The following COL6A3 variants were observed in gnomAD, a reference collection of about 807,000 sequenced individuals.
The protein encoded by COL6A3 is collagen alpha-3(VI) chain.
Under a neutral mutation model 274.1 loss-of-function variants are expected in COL6A3, and 137 were observed. The ratio of observed to expected loss-of-function variants is 0.50; its 90% CI spans 0.44 to 0.58. The LOEUF (loss-of-function observed/expected upper bound fraction) is 0.58, where lower values mean the gene tolerates loss of function less well. Among genes scored for constraint, COL6A3 ranks in the 20% least tolerant of loss-of-function variants. The pLI is 0.00. For missense variants in COL6A3, 3,950 were observed against 4,124.9 expected (o/e 0.96, Z 1.16); for synonymous variants, 1,650 against 1,650.6 (o/e 1.00, Z 0.01).
rs111234422 is a variant in COL6A3 at position 237,334,786 on chromosome 2, G to A, written c.9069C>T (p.Thr3023=). ...GGGACTGATCATGGGCTGAGGTGAC[G>A]GTGAGGTCATAAAAATAAGGACCGG... ...EPPGPYFYDL[T]VTSAHDQSLV... is the part of the protein sequence containing the mutation. The change falls in exon 41 of 44, where the codon ACC becomes ACT. Residue 3023 remains threonine, a synonymous_variant. Coordinates refer to ENST00000295550, the MANE Select transcript of COL6A3 (RefSeq NM_004369.4). 7.9e-4 allele frequency: 1,269 copies of A among 1,614,148 alleles called. 9 individuals carry two copies. The African/African-American group carries it at 0.013, about 16-fold the overall frequency.
At chr2:237,351,109 T>G in intron 27 of COL6A3, 21 bp downstream of exon 27, 1 of 1,613,692 alleles carries the variant, frequency 6.2e-7, no homozygotes, top group Middle Eastern at 1.7e-4. Flanking sequence ...TCAGGAAAGC[T>G]CTACCTTTCT....
At chr2:237,388,878 T>C (rs1326817026) in intron 3 of COL6A3, among the ~76,000 whole-genome samples, 3 of 152,230 alleles carry the variant, frequency 2.0e-5, no homozygotes, top group Admixed American at 6.5e-5. Context: ...TGATGTTTAG[T>C]TGCATAAAAC....
intron 1 of COL6A3, among the ~76,000 whole-genome samples, chr2:237,411,800 A>G (rs919237515): frequency 2.0e-5 from 3 of 152,194 alleles, no homozygotes; most frequent in Admixed American, 6.5e-5. Flanking sequence ...AGGTTTGGAC[A>G]TTTGCCACAT....
Position 237,374,953 on chromosome 2 carries a change from C to A in COL6A3, c.3138G>T (p.Leu1046=), listed in dbSNP as rs780402445. The change falls in exon 8 of 44, where the codon CTG becomes CTT. Residue 1046 remains leucine (L), a synonymous_variant. Coordinates refer to ENST00000295550, the MANE Select transcript of COL6A3 (RefSeq NM_004369.4). This position sits in a 1 kb window ranked among gnomAD's most constrained non-coding sequence, Gnocchi z 4.8. The stretch of plus-strand genomic sequence containing the variant: ...CCACTCTCTGGACAAACTCTTTCAA[C>A]AGAGGGAAGCCGCTCCTGACGCCCT... The part of the protein sequence containing the change: ...GSEGVRSGFP[L]LKEFVQRVVE... 1.2e-6 allele frequency: 2 copies of A among 1,613,940 alleles called. No homozygotes were observed. The highest frequency in any genetic ancestry group is 1.7e-6 in the Non-Finnish European group (2 of 1,180,014).
chr2:237,334,960 G>A, intron 40 of COL6A3, 71 bp from the exon 41 acceptor site: 4 of 1,571,246 alleles, frequency 2.5e-6, no homozygotes, highest in Non-Finnish European at 3.5e-6. Flanking sequence ...AGCGAGAGAG[G>A]AAATCTGAAA....
intron 1 of COL6A3, among the ~76,000 whole-genome samples, 183 bp from the exon 2 acceptor site, chr2:237,397,030 G>GATAGATAT (rs2078461497): frequency 6.6e-6 from 1 of 150,832 alleles, no homozygotes; most frequent in African/African-American, 2.4e-5. Flanking sequence ...TAGATAGATA[G>GATAGATAT]ATAGATAGAT....
At position 237,385,853 on chromosome 2, in the gene COL6A3, GTCTC is replaced by G. The variant is rs957771172; in HGVS notation, c.1312+1725_1312+1728del. Among the ~76,000 whole-genome samples, 3 of 152,206 alleles carry G rather than the reference GTCTC, an allele frequency of 2.0e-5. No homozygotes were observed. The East Asian group carries it at 5.8e-4, about 29-fold the overall frequency. ...TCAGAACATTATTTTCAAAATTCTA[GTCTC>G]TCTATTAGCTCATCTGGAGGATTTG... On this transcript the variant is annotated intron_variant, in intron 4 of 43. Transcript: ENST00000295550.
At chr2:237,378,550 G>A in intron 6 of COL6A3, 86 bp downstream of exon 6, 1 of 1,591,226 alleles carries the variant, frequency 6.3e-7, no homozygotes, top group Non-Finnish European at 8.6e-7. Context: ...ACAGTCCACA[G>A]TGCTCTTGAG....
At chr2:237,358,468 ACAAC>A in intron 21 of COL6A3, 49 bp downstream of exon 21, 1 of 1,453,870 alleles carries the variant, frequency 6.9e-7, no homozygotes, top group East Asian at 2.3e-5. Flanking sequence ...CCCTTTCCCA[ACAAC>A]CCTCTTCCCC....
In COL6A3 at chr2:237,379,084, A is replaced by G; in HGVS notation, c.2049T>C (p.Phe683=). The G allele has an allele frequency of 6.2e-7, 1 of 1,614,242 alleles. No individual in the cohort carries two copies. Among genetic ancestry groups the G allele is most frequent in the Non-Finnish European group, 8.5e-7 (1 of 1,180,030 alleles). ...AGAACTCCGTTACAGGAGTGTCACTAAATTGCACTAAACCAACACGAATAT... is the reference window on the plus strand; with the variant it reads ...AGAACTCCGTTACAGGAGTGTCACTGAATTGCACTAAACCAACACGAATAT... ...NDNIRVGLVQ[F]SDTPVTEFSL... The change falls in exon 6 of 44, where the codon TTT becomes TTC. Residue 683 remains phenylalanine, a synonymous_variant. Coordinates refer to ENST00000295550, the MANE Select transcript of COL6A3 (RefSeq NM_004369.4).
intron 32 of COL6A3, 25 bp downstream of exon 32, chr2:237,346,478 G>T: frequency 6.2e-7 from 1 of 1,611,364 alleles, no homozygotes; most frequent in Non-Finnish European, 8.5e-7. Context: ...CCAGGTGGCC[G>T]GGTCAGAACT....
At chr2:237,340,010 G>C (rs1312077892) in intron 38 of COL6A3, among the ~76,000 whole-genome samples, 1 of 152,196 alleles carries the variant, frequency 6.6e-6, no homozygotes, top group African/African-American at 2.4e-5. Context: ...AGACCCAGTG[G>C]TATCCAAGCA....
intron 2 of COL6A3, 142 bp from the exon 3 acceptor site, chr2:237,395,346 A>G (rs1371368238): frequency 1.1e-6 from 1 of 888,778 alleles, no homozygotes; most frequent in Admixed American, 2.4e-5. Context: ...AGGAAGGTAG[A>G]CTCACTTACC....
At chr2:237,355,074 C>G in intron 23 of COL6A3, 140 bp from the exon 24 acceptor site, 1 of 748,136 alleles carries the variant, frequency 1.3e-6, no homozygotes, top group East Asian at 2.7e-5. Flanking sequence ...GTGCCAAGAA[C>G]CAGAAACCAC....
Position 237,361,713 on chromosome 2 carries a change from C to T in COL6A3, c.6156+26G>A, listed in dbSNP as rs751209112. On this transcript the variant is annotated intron_variant, in intron 15 of 43. Coordinates refer to ENST00000295550, the MANE Select transcript of COL6A3 (RefSeq NM_004369.4). This position sits in a 1 kb window ranked among gnomAD's most constrained non-coding sequence, Gnocchi z 5.1. The stretch of plus-strand genomic sequence containing the variant: ...CGGGCTTCTGACACCTCATCTCAGG[C>T]GTGGGCAAGGGTAAAGCCACCGTAC... The T allele has an allele frequency of 1.0e-5, 16 of 1,601,704 alleles. No individual in the cohort carries two copies. Among genetic ancestry groups the T allele is most frequent in the South Asian group, 4.4e-5 (4 of 90,840 alleles).
chr2:237,339,025 G>T lies in COL6A3; in HGVS notation c.8557C>A (p.His2853Asn). 6.2e-7 allele frequency: 1 copy of T among 1,613,574 alleles called. No individual in the cohort carries two copies. The highest frequency in any genetic ancestry group is 1.1e-5 in the South Asian group (1 of 91,042). The change falls in exon 39 of 44, where the codon CAC becomes AAC. Residue 2853 changes from histidine (H) to asparagine (N), a missense_variant. His to Asn is a moderately conservative substitution (Grantham distance 68). Coordinates refer to ENST00000295550, the MANE Select transcript of COL6A3 (RefSeq NM_004369.4). ...QPTKNLVKFG[H>N]KQVNVPNNVT... ...ATTATAATCACTTACACTTGTTTGTGACCAAACTTCACAAGGTTCTTTGTG... is the reference window on the plus strand; with the variant it reads ...ATTATAATCACTTACACTTGTTTGTTACCAAACTTCACAAGGTTCTTTGTG...
rs778147812 is a variant in COL6A3 at position 237,394,709 on chromosome 2, T to C, written c.587A>G (p.His196Arg). ...KEIASEPLNM[H>R]MFNLENFTSL... ...GGTAAAATTCTCTAGGTTGAACATA[T>C]GCATATTGAGCGGTTCACTTGCTAT... The change falls in exon 3 of 44, where the codon CAT (histidine) becomes CGT (arginine). Residue 196 changes from histidine (H) to arginine (R), a missense_variant. His to Arg is a conservative substitution (Grantham distance 29, BLOSUM62 0). Coordinates refer to ENST00000295550, the MANE Select transcript of COL6A3 (RefSeq NM_004369.4). The C allele has an allele frequency of 6.2e-6, 10 of 1,614,124 alleles. No individual in the cohort carries two copies. Among genetic ancestry groups the C allele is most frequent in the Non-Finnish European group, 8.5e-6 (10 of 1,180,048 alleles).
chr2:237,401,936 T>C (rs1424918090), intron 1 of COL6A3, among the ~76,000 whole-genome samples: 1 of 152,042 alleles, frequency 6.6e-6, no homozygotes, highest in African/African-American at 2.4e-5. Flanking sequence ...CCTTCCACCT[T>C]AGCCTTCCTA....
chr2:237,377,782 C>T (rs1172350044), intron 6 of COL6A3, among the ~76,000 whole-genome samples: 1 of 152,152 alleles, frequency 6.6e-6, no homozygotes, highest in African/African-American at 2.4e-5. Flanking sequence ...GGGTCAACCA[C>T]TCAAAGATAA....
Sources: gnomAD v4.1 joint callset for allele counts (sites outside exome capture counted in the v4.1 genomes callset) on GRCh38, gnomAD v4.1.1 for gene constraint, Gnocchi (gnomAD v3.1) non-coding constraint, MANE v1.5 for transcripts, NCBI Gene and HGNC (gene_info 2026-07-23, HGNC 2026-07-21) for gene names.